The following IARS1 variants were observed in gnomAD, a reference collection of about 807,000 sequenced individuals.
The protein encoded by IARS1 is isoleucyl-tRNA synthetase 1.
In IARS1, 124 loss-of-function variants were observed where a neutral mutation model predicts 168.2. That is an observed-to-expected ratio of 0.74 (90% CI 0.64 to 0.86). The LOEUF (loss-of-function observed/expected upper bound fraction) is 0.86. Among genes scored for constraint, IARS1 ranks in the 40% least tolerant of loss-of-function variants. The pLI is 0.00. For missense variants in IARS1, 1,452 were observed against 1,515.8 expected, an observed-to-expected ratio of 0.96 and a Z score of 0.70; for synonymous variants, 532 against 529.4, an observed-to-expected ratio of 1.00 and a Z score of -0.07.
chr9:92,274,649 G>C, intron 9 of IARS1, 128 bp from the exon 10 acceptor site: 1 of 611,436 alleles, frequency 1.6e-6, no homozygotes, highest in Non-Finnish European at 2.9e-6. Flanking sequence ...AAATAGAAAA[G>C]AAAGAATAAT....
Position 92,273,776 on chromosome 9 carries a change from G to C in IARS1, c.990+650C>G, listed in dbSNP as rs377646058. Among the ~76,000 whole-genome samples, 14 of 152,206 alleles carry C rather than the reference G, an allele frequency of 9.2e-5. No homozygotes were observed. The East Asian group carries it at 1.9e-3, about 21-fold the overall frequency. On this transcript the variant is annotated intron_variant, in intron 10 of 33. Coordinates refer to ENST00000443024, the MANE Select transcript of IARS1 (RefSeq NM_002161.6). ...TACTGCCACTGCCTTTTAGAACAAA[G>C]TCACATTTCCAATCCCTCTCACTGA... is the stretch of plus-strand genomic sequence containing the variant.
chr9:92,268,510 C>T (rs1832604279), intron 13 of IARS1, among the ~76,000 whole-genome samples: 1 of 152,190 alleles, frequency 6.6e-6, no homozygotes, highest in Non-Finnish European at 1.5e-5. Flanking sequence ...AATAGATTAC[C>T]CCACAGCACA....
chr9:92,252,333 C>T, intron 21 of IARS1: 1 of 498,450 alleles, frequency 2.0e-6, no homozygotes, highest in Non-Finnish European at 4.0e-6. Context: ...CTTTGTTTTT[C>T]CTACAATCAT....
chr9:92,258,076 C>A (rs1008529797), intron 19 of IARS1, among the ~76,000 whole-genome samples: 2 of 152,198 alleles, frequency 1.3e-5, no homozygotes, highest in Admixed American at 6.5e-5. Flanking sequence ...AAAACTCCAT[C>A]GAGAACTGCT....
At chr9:92,249,372 T>C (rs907091767) in intron 25 of IARS1, among the ~76,000 whole-genome samples, 7 of 152,066 alleles carry the variant, frequency 4.6e-5, no homozygotes, top group Non-Finnish European at 8.8e-5. Context: ...GCCAACATGA[T>C]GAAACCCCAT....
intron 30 of IARS1, among the ~76,000 whole-genome samples, chr9:92,233,968 C>T (rs189051812): frequency 5.9e-5 from 9 of 152,174 alleles, no homozygotes; most frequent in Admixed American, 2.6e-4. Flanking sequence ...ACTTTGTTGC[C>T]GAGGCTGGTC....
chr9:92,267,402 G>T (rs1305821330), intron 14 of IARS1, among the ~76,000 whole-genome samples: 1 of 152,218 alleles, frequency 6.6e-6, no homozygotes, highest in African/African-American at 2.4e-5. Context: ...CTGCAACAAT[G>T]CTGTCAGCTT....
At position 92,288,189 on chromosome 9, in the gene IARS1, A is replaced by G; in HGVS notation, c.213T>C (p.Tyr71=). ...AGTIKDIVTR[Y]AHQSGFHVDR... Reference sequence around the variant, plus strand: ...CAACATGAAACCCACTCTGGTGAGCATATCTTGTAACTATATCTTTAATTG... The same window carrying G: ...CAACATGAAACCCACTCTGGTGAGCGTATCTTGTAACTATATCTTTAATTG... Residue 71 remains tyrosine, a synonymous_variant, in exon 3 of 34, where the codon TAT becomes TAC. Transcript: ENST00000443024. 7 of 1,614,108 alleles carry G rather than the reference A, an allele frequency of 4.3e-6. No homozygotes were observed. The highest frequency in any genetic ancestry group is 2.2e-5 in the South Asian group (2 of 91,086).
intron 26 of IARS1, 122 bp from the exon 27 acceptor site, chr9:92,245,193 A>G (rs910395187): frequency 1.2e-5 from 9 of 739,722 alleles, no homozygotes; most frequent in Non-Finnish European, 1.9e-5. Flanking sequence ...AGGCTTCAAG[A>G]GATCATTTCC....
At chr9:92,250,385 G>A in intron 23 of IARS1, 96 bp from the exon 24 acceptor site, 1 of 823,410 alleles carries the variant, frequency 1.2e-6, no homozygotes, top group Admixed American at 1.9e-5. Context: ...GGTCAGGCTA[G>A]AGAAGTGTGG....
At chr9:92,279,791 T>C (rs2133934912) in intron 7 of IARS1, among the ~76,000 whole-genome samples, 1 of 151,642 alleles carries the variant, frequency 6.6e-6, no homozygotes, top group South Asian at 2.1e-4. Context: ...CATTAAACAA[T>C]AACTCCCCCT....
At chr9:92,274,230 A>C (rs1564183472) in intron 10 of IARS1, among the ~76,000 whole-genome samples, 196 bp downstream of exon 10, 1 of 152,000 alleles carries the variant, frequency 6.6e-6, no homozygotes. Flanking sequence ...AGTTTACTGG[A>C]TTTGGCCCAC....
At chr9:92,273,209 T>A (rs547807307) in intron 10 of IARS1, among the ~76,000 whole-genome samples, 4 of 151,644 alleles carry the variant, frequency 2.6e-5, no homozygotes, top group Admixed American at 2.0e-4. Flanking sequence ...AAGAGTGGGG[T>A]AACCATACCA....
chr9:92,287,204 T>C (rs1268854725), intron 4 of IARS1, among the ~76,000 whole-genome samples: 1 of 152,188 alleles, frequency 6.6e-6, no homozygotes, highest in Non-Finnish European at 1.5e-5. Context: ...TGAGAGACAT[T>C]ATAGAAAATA....
At chr9:92,249,430 G>A (rs1356965451) in intron 25 of IARS1, among the ~76,000 whole-genome samples, 1 of 152,172 alleles carries the variant, frequency 6.6e-6, no homozygotes, top group Admixed American at 6.5e-5. Context: ...GCGGGTGCCT[G>A]TAATCCCAGC....
rs571633160 is a variant in IARS1, at chr9:92,258,006, C to G, written c.2016+848G>C. ...TAACTCCTGGGCGTGGAGGTAACTG[C>G]CATTGAAGTACACTTCCACATACAT... On this transcript the variant is annotated intron_variant, in intron 19 of 33. Coordinates refer to ENST00000443024, the MANE Select transcript of IARS1 (RefSeq NM_002161.6). Among the ~76,000 whole-genome samples the G allele has an allele frequency of 1.6e-4, 25 of 152,256 alleles. 1 individual carries two copies. Among genetic ancestry groups the G allele is most frequent in the African/African-American group, 5.8e-4 (24 of 41,544 alleles).
chr9:92,227,411 C>T (rs1321526654), intron 31 of IARS1, among the ~76,000 whole-genome samples: 2 of 142,384 alleles, frequency 1.4e-5, no homozygotes, highest in African/African-American at 5.4e-5. Context: ...ACCTCCCGGA[C>T]AGGGCGGCTG....
intron 18 of IARS1, among the ~76,000 whole-genome samples, chr9:92,259,925 G>A (rs1282950073): frequency 6.6e-6 from 1 of 152,014 alleles, no homozygotes; most frequent in African/African-American, 2.4e-5. Context: ...ACCCAACACA[G>A]GTCCTCTTCC....
chr9:92,228,170 G>A (rs961765308), intron 31 of IARS1, among the ~76,000 whole-genome samples: 1 of 152,116 alleles, frequency 6.6e-6, no homozygotes, highest in Non-Finnish European at 1.5e-5. Context: ...AATGACAACA[G>A]TCATACTGGA....
Sources: allele counts gnomAD v4.1 joint callset (sites outside exome capture counted in the v4.1 genomes callset), GRCh38; gene constraint gnomAD v4.1.1; transcripts MANE v1.5; gene names NCBI Gene and HGNC (gene_info 2026-07-23, HGNC 2026-07-21).